SLIT1: variants seen among roughly 807,000 people sequenced by gnomAD.
The protein encoded by SLIT1 is slit guidance ligand 1, also known as slit homolog 1 protein.
Under a neutral mutation model 186.1 loss-of-function variants are expected in SLIT1, and 66 were observed. The observed-to-expected ratio is 0.35, with a 90% CI of 0.29 to 0.44. The LOEUF is 0.44. SLIT1 is among the 20% of genes least tolerant of loss of function. The pLI, the probability that SLIT1 is intolerant of heterozygous loss-of-function variation, is 1.00. For missense variants in SLIT1, 1,638 were observed against 2,037.4 expected (o/e 0.80, Z 3.77); for synonymous variants, 761 against 833.8 (o/e 0.91, Z 1.50).
At chr10:97,031,892 C>A (rs1014641880) in intron 23 of SLIT1, among the ~76,000 whole-genome samples, 1 of 152,258 alleles carries the variant, frequency 6.6e-6, no homozygotes, top group African/African-American at 2.4e-5. Flanking sequence ...TCAATCAGTT[C>A]CCCCGACTGT....
intron 22 of SLIT1, among the ~76,000 whole-genome samples, chr10:97,035,292 C>T (rs1166215111): frequency 6.6e-6 from 1 of 152,122 alleles, no homozygotes; most frequent in Non-Finnish European, 1.5e-5. Flanking sequence ...ATCTGGGTGC[C>T]CTCGGGGACG....
At position 97,006,367 on chromosome 10, in the gene SLIT1, C is replaced by T. The variant is rs1328885227; in HGVS notation, c.3579+116G>A. The T allele has an allele frequency of 5.7e-6, 4 of 701,744 alleles. No homozygotes were observed. The highest frequency in any genetic ancestry group is 1.8e-5 in the African/African-American group (1 of 56,510). The allele number at this position is 701,744 out of a possible 1,614,324, so 43.5% of individuals were successfully genotyped here. A position where few individuals can be genotyped will look rare whatever the true frequency, so the allele number is the denominator to read the frequency against. On this transcript the variant is annotated intron_variant, in intron 32 of 36. Transcript: ENST00000266058. This position sits in a 1 kb window ranked among gnomAD's most constrained non-coding sequence, Gnocchi z 4.0. ...ACCCATATGCAAAACGTTTTGATTA[C>T]ACAGAGTCCTTCCAGTTCCCCAGGC... is the stretch of plus-strand genomic sequence containing the variant.
chr10:97,163,666 A>G (rs537531993), intron 2 of SLIT1, among the ~76,000 whole-genome samples: 2 of 152,198 alleles, frequency 1.3e-5, no homozygotes, highest in Non-Finnish European at 2.9e-5. Context: ...TGGGCTCCTC[A>G]GGGCTCCCAG....
chr10:97,179,800 T>TCCCCC (rs150754287), intron 1 of SLIT1, among the ~76,000 whole-genome samples: 7 of 126,368 alleles, frequency 5.5e-5, no homozygotes, highest in South Asian at 5.4e-4. Flanking sequence ...CTCCACACCC[T>TCCCCC]CCCCGCCCCC....
intron 7 of SLIT1, 137 bp from the exon 8 acceptor site, chr10:97,063,755 C>T (rs372431608): frequency 3.1e-5 from 29 of 925,622 alleles, no homozygotes; most frequent in African/African-American, 1.2e-4. Context: ...GTCAAGTAGA[C>T]GGCTCAGCTC....
Position 97,021,558 on chromosome 10 carries a change from CT to C in SLIT1, c.2583-146del, listed in dbSNP as rs11292804. 120,697 of 460,432 alleles carry C rather than the reference CT, an allele frequency of 0.26. 4,633 individuals carry two copies. The highest frequency in any genetic ancestry group is 0.43 in the African/African-American group (20,100 of 46,754). 28.5% of individuals were successfully genotyped at this position (460,432 alleles called of 1,614,324 possible). On this transcript the variant is annotated intron_variant, in intron 25 of 36. Coordinates refer to ENST00000266058, the MANE Select transcript of SLIT1 (RefSeq NM_003061.3). The surrounding 1 kb of genome is among the most constrained non-coding windows in gnomAD (Gnocchi z 4.5). Reference sequence around the variant, plus strand: ...AGCATTTACTGTATAGTCAGTGCTGCTTTTTTTTTTTTTTCTTTTTTTGAGA... The same window carrying C: ...AGCATTTACTGTATAGTCAGTGCTGCTTTTTTTTTTTTTCTTTTTTTGAGA...
At chr10:97,143,801 G>A (rs781239444) in intron 4 of SLIT1, among the ~76,000 whole-genome samples, 1 of 152,190 alleles carries the variant, frequency 6.6e-6, no homozygotes, top group African/African-American at 2.4e-5. Context: ...CTGCCTCCAC[G>A]AACTTCTAAT....
intron 6 of SLIT1, 107 bp downstream of exon 6, chr10:97,064,698 G>T (rs1207204006): frequency 2.6e-6 from 2 of 759,630 alleles, no homozygotes; most frequent in African/African-American, 3.5e-5. Context: ...AGGAGGGCAG[G>T]TCTCTCCCTT....
intron 4 of SLIT1, among the ~76,000 whole-genome samples, chr10:97,151,208 A>C (rs1849874674): frequency 6.6e-6 from 1 of 152,174 alleles, no homozygotes. Flanking sequence ...GGCCCACAGG[A>C]GGCCCTCAGG....
At chr10:97,154,762 C>G (rs1423672126) in intron 4 of SLIT1, 1 of 152,316 alleles carries the variant, frequency 6.6e-6, no homozygotes, top group Non-Finnish European at 1.5e-5. Context: ...AGGTATCATA[C>G]AGAGTGCTGT....
intron 4 of SLIT1, among the ~76,000 whole-genome samples, chr10:97,152,817 A>G (rs1052197552): frequency 2.0e-5 from 3 of 152,264 alleles, no homozygotes; most frequent in South Asian, 4.1e-4. Flanking sequence ...TCAAGTGGTC[A>G]TATTGTCAAT....
At chr10:97,080,301 G>C (rs1052793012) in intron 4 of SLIT1, among the ~76,000 whole-genome samples, 5 of 152,224 alleles carry the variant, frequency 3.3e-5, no homozygotes, top group Non-Finnish European at 1.5e-5. Context: ...ATCGTTTCCT[G>C]CAAGGAGCTC....
chr10:97,017,781 C>T (rs1848466539), intron 28 of SLIT1, among the ~76,000 whole-genome samples: 1 of 151,950 alleles, frequency 6.6e-6, no homozygotes, highest in Admixed American at 6.6e-5. Flanking sequence ...TGTCTGCAGG[C>T]AGCACTGTCA....
At chr10:97,127,231 A>G (rs1229577393) in intron 4 of SLIT1, among the ~76,000 whole-genome samples, 1 of 151,842 alleles carries the variant, frequency 6.6e-6, no homozygotes, top group Non-Finnish European at 1.5e-5. Context: ...GTTTGCAGTG[A>G]GCCGAGATCA....
At chr10:97,133,879 G>A (rs1211895530) in intron 4 of SLIT1, among the ~76,000 whole-genome samples, 4 of 152,102 alleles carry the variant, frequency 2.6e-5, no homozygotes, top group Non-Finnish European at 4.4e-5. Context: ...TGTATCCCCT[G>A]GCTCACCGTC....
intron 1 of SLIT1, among the ~76,000 whole-genome samples, chr10:97,166,589 A>AAG (rs1469055240): frequency 3.4e-4 from 32 of 93,778 alleles, no homozygotes; most frequent in Admixed American, 1.1e-3. Flanking sequence ...GAAAGAAAGA[A>AAG]AGAAAGAAAG....
rs1268578085 is a variant in SLIT1, at chr10:97,064,869, C to T, written c.493G>A (p.Asp165Asn). The change falls in exon 6 of 37, where the codon GAC becomes AAC. Residue 165 changes from aspartate to asparagine, a missense_variant. Transcript: ENST00000266058. ...TCAATGCAGCTGATCTGGTTCTTGT[C>T]CAGCTGTCTGTGAAGCAAAGGAAGG... Reference protein sequence around the residue: ...GATDLKNLQLDKNQISCIEEG... With the variant: ...GATDLKNLQLNKNQISCIEEG... The T allele has an allele frequency of 1.2e-6, 2 of 1,612,712 alleles. No homozygotes were observed. Among genetic ancestry groups the T allele is most frequent in the African/African-American group, 2.7e-5 (2 of 74,860 alleles).
At chr10:97,076,110 C>T (rs993034162) in intron 4 of SLIT1, among the ~76,000 whole-genome samples, 29 of 152,240 alleles carry the variant, frequency 1.9e-4, no homozygotes, top group African/African-American at 7.0e-4. Flanking sequence ...ATTTGTCCCA[C>T]AGGCCCTTCC....
rs534267340 is a variant in SLIT1, at chr10:97,002,872, G to A, written c.3986C>T (p.Thr1329Met). 1.7e-5 allele frequency: 28 copies of A among 1,614,204 alleles called. No homozygotes were observed. Among genetic ancestry groups the A allele is most frequent in the Admixed American group, 5.0e-5 (3 of 60,030 alleles). ...TGGCACCACGCCTGGCTTCATCTGCGTCTTGGTGAAGTCCTGCAGCTCGTT... is the reference window on the plus strand; with the variant it reads ...TGGCACCACGCCTGGCTTCATCTGCATCTTGGTGAAGTCCTGCAGCTCGTT... ...INNELQDFTK[T>M]QMKPGVVPGC... The change falls in exon 35 of 37, where the codon ACG (threonine) becomes ATG (methionine). Residue 1329 changes from threonine (T) to methionine (M), a missense_variant. By Grantham distance (81) the Thr-to-Met change is moderately conservative (BLOSUM62 -1). Coordinates refer to ENST00000266058, the MANE Select transcript of SLIT1 (RefSeq NM_003061.3).
Sources: gnomAD v4.1 joint callset for allele counts (sites outside exome capture counted in the v4.1 genomes callset) on GRCh38, gnomAD v4.1.1 for gene constraint, Gnocchi (gnomAD v3.1) non-coding constraint, MANE v1.5 for transcripts, NCBI Gene and HGNC (gene_info 2026-07-23, HGNC 2026-07-21) for gene names.